The following TRNAU1AP variants were observed in gnomAD, a reference collection of about 807,000 sequenced individuals.
TRNAU1AP encodes tRNA selenocysteine 1-associated protein 1.
Under a neutral mutation model 43.3 loss-of-function variants are expected in TRNAU1AP, and 33 were observed. The observed-to-expected ratio is 0.76, with a 90% CI of 0.58 to 1.02. TRNAU1AP has a LOEUF of 1.02. Ranked by LOEUF, TRNAU1AP falls within the 50% of genes least tolerant of loss-of-function variation. The pLI, the probability that TRNAU1AP is intolerant of heterozygous loss-of-function variation, is 0.00. For missense variants in TRNAU1AP, 290 were observed against 362.7 expected, an observed-to-expected ratio of 0.80 and a Z score of 1.63; for synonymous variants, 143 against 129.1, an observed-to-expected ratio of 1.11 and a Z score of -0.73.
rs952402054 is a variant in TRNAU1AP, at chr1:28,571,762, G to A, written c.694-105G>A. Reference sequence around the variant, plus strand: ...CACGCCACTACACTCTAGTCTGGGTGACAGAGCTAGACTCCACCTCAAAAA... The same window carrying A: ...CACGCCACTACACTCTAGTCTGGGTAACAGAGCTAGACTCCACCTCAAAAA... On this transcript the variant is annotated intron_variant, in intron 7 of 8. Transcript: ENST00000373830. 1.2e-5 allele frequency: 9 copies of A among 778,332 alleles called. 1 individual carries two copies. In the African/African-American group the frequency reaches 1.2e-4, roughly 11 times the overall value. The allele number at this position is 778,332 out of a possible 1,614,324, so 48.2% of individuals were successfully genotyped here.
At chr1:28,576,786 A>G (rs1557439741) in intron 8 of TRNAU1AP, among the ~76,000 whole-genome samples, 1 of 152,092 alleles carries the variant, frequency 6.6e-6, no homozygotes. Flanking sequence ...TTTAGTAGAG[A>G]TGGGATTTCT....
chr1:28,553,800 A>G, intron 2 of TRNAU1AP, 63 bp downstream of exon 2: 1 of 1,432,600 alleles, frequency 7.0e-7, no homozygotes, highest in Non-Finnish European at 9.8e-7. Flanking sequence ...CGAGAATGTA[A>G]ACATCGTAGT....
intron 4 of TRNAU1AP, among the ~76,000 whole-genome samples, chr1:28,563,287 C>G (rs943766939): frequency 6.6e-6 from 1 of 151,828 alleles, no homozygotes; most frequent in South Asian, 2.1e-4. Context: ...CGGTGGCTCA[C>G]GCCTGTAATC....
chr1:28,555,230 CA>C (rs760635096), intron 2 of TRNAU1AP, among the ~76,000 whole-genome samples: 351 of 122,216 alleles, frequency 2.9e-3, no homozygotes, highest in Admixed American at 2.9e-3. Context: ...AACTCCATCT[CA>C]AAAAAAAAAA....
intron 6 of TRNAU1AP, among the ~76,000 whole-genome samples, chr1:28,568,067 G>A (rs903391724): frequency 6.6e-6 from 1 of 152,158 alleles, no homozygotes; most frequent in Admixed American, 6.5e-5. Flanking sequence ...GGGAGGCTGA[G>A]GCAGGAGAAT....
chr1:28,578,394 T>C lies in TRNAU1AP; in HGVS notation c.*758T>C, dbSNP rs560125967. ...TTGTCATGTGTTGGGACTTACTGCT[T>C]GAGGCAAAGCATTCATCCTACATCA... On this transcript the variant is annotated 3_prime_UTR_variant, in exon 9 of 9. Coordinates refer to ENST00000373830, the MANE Select transcript of TRNAU1AP (RefSeq NM_017846.5). 39 of 209,140 alleles carry C rather than the reference T, an allele frequency of 1.9e-4. No individual in the cohort carries two copies. Among genetic ancestry groups the C allele is most frequent in the Non-Finnish European group, 3.2e-4 (33 of 102,034 alleles). 13.0% of individuals were successfully genotyped at this position (209,140 alleles called of 1,614,324 possible).
At chr1:28,561,526 C>T in intron 4 of TRNAU1AP, 128 bp downstream of exon 4, 1 of 1,046,322 alleles carries the variant, frequency 9.6e-7, no homozygotes, top group Non-Finnish European at 1.4e-6. Context: ...TTCTCCCTTC[C>T]TTGCTGGTGG....
chr1:28,564,934 AC>A, intron 5 of TRNAU1AP, 100 bp downstream of exon 5: 1 of 1,467,558 alleles, frequency 6.8e-7, no homozygotes, highest in Non-Finnish European at 9.4e-7. Context: ...GGCGATTAAG[AC>A]CACAAGCTCT....
At chr1:28,568,361 C>T (rs936171311) in intron 6 of TRNAU1AP, among the ~76,000 whole-genome samples, 6 of 152,106 alleles carry the variant, frequency 3.9e-5, no homozygotes, top group Non-Finnish European at 5.9e-5. Flanking sequence ...ACTGCAGCCT[C>T]GACCTCCCCA....
chr1:28,569,515 C>T (rs1665613087), intron 6 of TRNAU1AP, among the ~76,000 whole-genome samples: 1 of 150,900 alleles, frequency 6.6e-6, no homozygotes, highest in Non-Finnish European at 1.5e-5. Context: ...CATGGTGAAA[C>T]CCCGTCTCTA....
intron 5 of TRNAU1AP, among the ~76,000 whole-genome samples, chr1:28,566,409 G>A (rs1665539149): frequency 6.6e-6 from 1 of 151,470 alleles, no homozygotes; most frequent in South Asian, 2.1e-4. Context: ...CCTGAGGTCA[G>A]GAGTTCGAGA....
At chr1:28,572,409 C>T (rs1331230449) in intron 8 of TRNAU1AP, among the ~76,000 whole-genome samples, 8 of 151,510 alleles carry the variant, frequency 5.3e-5, no homozygotes, top group Admixed American at 2.0e-4. Context: ...TTGGCTTGGC[C>T]GGTCTCAAAC....
chr1:28,563,624 C>T (rs1027122141), intron 4 of TRNAU1AP, among the ~76,000 whole-genome samples: 3 of 151,242 alleles, frequency 2.0e-5, no homozygotes, highest in African/African-American at 7.3e-5. Flanking sequence ...GCAGAGGTTG[C>T]AGTGAGCTGA....
At chr1:28,553,320 A>G (rs1665176446) in intron 1 of TRNAU1AP, 183 bp downstream of exon 1, 5 of 790,518 alleles carry the variant, frequency 6.3e-6, no homozygotes, top group Non-Finnish European at 8.0e-6. Flanking sequence ...CCGTGAGGCT[A>G]GGGGTCCTGG....
intron 6 of TRNAU1AP, among the ~76,000 whole-genome samples, chr1:28,567,784 A>G (rs1665573483): frequency 6.6e-6 from 1 of 152,118 alleles, no homozygotes; most frequent in Non-Finnish European, 1.5e-5. Flanking sequence ...GGAAAAAATT[A>G]CTTCCATTTT....
rs752773020 is a variant in TRNAU1AP at position 28,564,743 on chromosome 1, G to A, written c.319G>A (p.Val107Met). ...CTTTGTGGGGGACCTGACCCCGGAC[G>A]TGGATGATGGCATGCTGTATGAATT... Reference protein sequence around the residue: ...SLFVGDLTPDVDDGMLYEFFV... With the variant: ...SLFVGDLTPDMDDGMLYEFFV... Residue 107 changes from valine to methionine, a missense_variant, in exon 5 of 9, where the codon GTG becomes ATG. This residue lies in a region of TRNAU1AP where 174 missense variants were observed against 262.1 expected (regional missense o/e 0.66). Transcript: ENST00000373830. The A allele has an allele frequency of 5.0e-6, 8 of 1,614,078 alleles. No individual in the cohort carries two copies. The highest frequency in any genetic ancestry group is 5.9e-6 in the Non-Finnish European group (7 of 1,180,010).
rs921944717 is a variant in TRNAU1AP, at chr1:28,553,793, G to A, written c.125+56G>A. On this transcript the variant is annotated intron_variant, in intron 2 of 8. Coordinates refer to ENST00000373830, the MANE Select transcript of TRNAU1AP (RefSeq NM_017846.5). ...ATCTCGTTGCAGCTGTCATGTACGA[G>A]AATGTAAACATCGTAGTCATGGCTT... 5 of 1,461,872 alleles carry A rather than the reference G, an allele frequency of 3.4e-6. No individual in the cohort carries two copies. In the South Asian group the frequency reaches 5.7e-5, roughly 17 times the overall value. 90.6% of individuals were successfully genotyped at this position (1,461,872 alleles called of 1,614,324 possible).
intron 6 of TRNAU1AP, 42 bp downstream of exon 6, chr1:28,567,455 C>G (rs1383165310): frequency 1.9e-6 from 3 of 1,551,358 alleles, no homozygotes. Context: ...AGACTCCCCT[C>G]CAGACACTCC....
intron 2 of TRNAU1AP, among the ~76,000 whole-genome samples, chr1:28,554,209 AAAAC>A (rs1196386753): frequency 6.9e-5 from 10 of 145,410 alleles, no homozygotes; most frequent in Admixed American, 2.0e-4. Context: ...AAAAAAAAAA[AAAAC>A]AAAAAAACAA....
Sources: allele counts gnomAD v4.1 joint callset (sites outside exome capture counted in the v4.1 genomes callset), GRCh38; gene constraint gnomAD v4.1.1; regional missense constraint gnomAD v4.1.1; transcripts MANE v1.5; gene names NCBI Gene and HGNC (gene_info 2026-07-23, HGNC 2026-07-21).